Variants in CCSER1 observed in about 807,000 individuals in gnomAD.
The protein encoded by CCSER1 is serine-rich coiled-coil domain-containing protein 1.
CCSER1 carries 41 observed loss-of-function variants against 82.0 expected under a neutral mutation model. The observed-to-expected ratio is 0.50, with a 90% confidence interval of 0.39 to 0.65. The LOEUF is 0.65. Among genes scored for constraint, CCSER1 ranks in the 30% least tolerant of loss-of-function variants. The pLI is 0.00. For synonymous variants in CCSER1, 414 were observed against 383.9 expected (o/e 1.08, Z -0.92); for missense variants, 1,119 against 1,064.2 (o/e 1.05, Z -0.72).
intron 9 of CCSER1, among the ~76,000 whole-genome samples, chr4:91,083,263 G>A (rs946490142): frequency 1.3e-5 from 2 of 152,130 alleles, no homozygotes; most frequent in African/African-American, 4.8e-5. Context: ...CCTTTATAGG[G>A]ACATGGATGA....
intron 1 of CCSER1, among the ~76,000 whole-genome samples, chr4:90,185,097 C>T (rs1295051071): frequency 6.6e-6 from 1 of 152,020 alleles, no homozygotes; most frequent in Non-Finnish European, 1.5e-5. Flanking sequence ...TGAGAGTCAG[C>T]AGTATTGAGT....
chr4:91,575,154 A>C (rs916160820), intron 10 of CCSER1, among the ~76,000 whole-genome samples: 1 of 152,040 alleles, frequency 6.6e-6, no homozygotes, highest in Admixed American at 6.6e-5. Context: ...GGAAAACTGA[A>C]TATCCATGTG....
chr4:90,600,187 G>A (rs558999640), intron 5 of CCSER1, among the ~76,000 whole-genome samples: 15 of 152,208 alleles, frequency 9.9e-5, no homozygotes, highest in Admixed American at 9.8e-4. Context: ...GTGTAAATAG[G>A]GACGTAGGTA....
At chr4:91,540,774 T>C (rs1375408767) in intron 10 of CCSER1, among the ~76,000 whole-genome samples, 3 of 152,166 alleles carry the variant, frequency 2.0e-5, no homozygotes, top group Non-Finnish European at 4.4e-5. Flanking sequence ...GGATGTCCAG[T>C]TATTCCAGCA....
intron 10 of CCSER1, among the ~76,000 whole-genome samples, chr4:91,348,772 C>A (rs1353693377): frequency 6.6e-6 from 1 of 152,116 alleles, no homozygotes; most frequent in East Asian, 1.9e-4. Context: ...ATCCTTTTAA[C>A]ATCCAGTGGT....
intron 10 of CCSER1, among the ~76,000 whole-genome samples, chr4:91,530,460 A>G (rs1336652130): frequency 6.6e-6 from 1 of 152,106 alleles, no homozygotes; most frequent in Non-Finnish European, 1.5e-5. Context: ...TTAACAATGA[A>G]TAAATGGACC....
intron 8 of CCSER1, among the ~76,000 whole-genome samples, chr4:90,856,443 T>C (rs1229068769): frequency 4.6e-5 from 7 of 152,254 alleles, no homozygotes; most frequent in Admixed American, 2.0e-4. Flanking sequence ...AAAGAATATA[T>C]AAAGTGATTT....
intron 5 of CCSER1, among the ~76,000 whole-genome samples, chr4:90,619,406 A>G (rs1721895573): frequency 1.3e-5 from 2 of 152,058 alleles, no homozygotes; most frequent in South Asian, 4.1e-4. Context: ...TGTTGTTTAT[A>G]TGATGAATTG....
At chr4:91,069,399 A>G (rs1055278503) in intron 9 of CCSER1, among the ~76,000 whole-genome samples, 1 of 152,052 alleles carries the variant, frequency 6.6e-6, no homozygotes, top group Non-Finnish European at 1.5e-5. Context: ...ATTATACTCA[A>G]TATATTAATG....
rs933641109 is a variant in CCSER1, at chr4:90,192,720, T to C, written c.-42+64889T>C. 5.3e-5 allele frequency among the ~76,000 whole-genome samples: 8 copies of C among 152,096 alleles called. No individual in the cohort carries two copies. In the East Asian group the frequency reaches 5.8e-4, roughly 11 times the overall value. On this transcript the variant is annotated intron_variant, in intron 1 of 10. Transcript: ENST00000509176. ...AGTGTATTGGCTGAAATACAATAGA[T>C]AAAAGTAAAATTCCTCTTTTGAATG...
At chr4:90,490,920 T>G (rs1767906589) in intron 5 of CCSER1, among the ~76,000 whole-genome samples, 1 of 152,210 alleles carries the variant, frequency 6.6e-6, no homozygotes, top group South Asian at 2.1e-4. Flanking sequence ...TTTTGGTTAC[T>G]ATAGCCTTGT....
chr4:90,674,743 G>T (rs1439403092), intron 6 of CCSER1, among the ~76,000 whole-genome samples: 1 of 151,490 alleles, frequency 6.6e-6, no homozygotes, highest in Non-Finnish European at 1.5e-5. Context: ...TCTCTTTCAG[G>T]CTTCTCTCCT....
rs1004568169 is a variant in CCSER1, at chr4:90,795,926, T to C, written c.2011-19836T>C. Among the ~76,000 whole-genome samples the C allele has an allele frequency of 2.6e-5, 4 of 152,230 alleles. No individual in the cohort carries two copies. In the East Asian group the frequency reaches 7.7e-4, roughly 29 times the overall value. ...ATTTTTTTGAGAATTTGTGCATCAA[T>C]GTTCATAAAAAATATTGGCCTGAAG... On this transcript the variant is annotated intron_variant, in intron 7 of 10. Coordinates refer to ENST00000509176, the MANE Select transcript of CCSER1 (RefSeq NM_001145065.2).
At chr4:91,362,458 A>C (rs1162341802) in intron 10 of CCSER1, among the ~76,000 whole-genome samples, 2 of 151,882 alleles carry the variant, frequency 1.3e-5, no homozygotes, top group African/African-American at 4.8e-5. Flanking sequence ...TTTTTTGAGC[A>C]CAGCCACCTT....
At chr4:90,241,573 GA>G (rs1001021692) in intron 1 of CCSER1, among the ~76,000 whole-genome samples, 5 of 151,496 alleles carry the variant, frequency 3.3e-5, no homozygotes, top group South Asian at 2.1e-4. Context: ...TTTCTTAAAA[GA>G]AAAAAAATCC....
Position 90,191,889 on chromosome 4 carries a change from T to C in CCSER1, c.-42+64058T>C, listed in dbSNP as rs114754167. Among the ~76,000 whole-genome samples, 882 of 152,146 alleles carry C rather than the reference T, an allele frequency of 5.8e-3. 10 individuals are homozygous for C. The highest frequency in any genetic ancestry group is 0.02 in the African/African-American group (849 of 41,528). The stretch of plus-strand genomic sequence containing the variant: ...ATCTGTGACTTTTAGAATGTGGAAG[T>C]TTTCTACTATATACTAGAGACATTG... On this transcript the variant is annotated intron_variant, in intron 1 of 10. Transcript: ENST00000509176.
At chr4:91,191,539 A>C (rs1178766941) in intron 10 of CCSER1, among the ~76,000 whole-genome samples, 1 of 152,180 alleles carries the variant, frequency 6.6e-6, no homozygotes, top group East Asian at 1.9e-4. Context: ...TGAAAATGCC[A>C]GATACTCACT....
intron 10 of CCSER1, among the ~76,000 whole-genome samples, chr4:91,387,683 A>G (rs1751381941): frequency 6.6e-6 from 1 of 152,042 alleles, no homozygotes; most frequent in South Asian, 2.1e-4. Flanking sequence ...GCAATGCATG[A>G]TTTAGTAACT....
intron 6 of CCSER1, among the ~76,000 whole-genome samples, chr4:90,674,266 C>G (rs926473943): frequency 1.2e-4 from 18 of 151,744 alleles, no homozygotes; most frequent in African/African-American, 4.1e-4. Context: ...TGATGGGATT[C>G]TTTAGGCCCC....
Sources: allele counts gnomAD v4.1 joint callset (sites outside exome capture counted in the v4.1 genomes callset), GRCh38; gene constraint gnomAD v4.1.1; transcripts MANE v1.5; gene names NCBI Gene and HGNC (gene_info 2026-07-23, HGNC 2026-07-21).